The following PHF20 variants were observed in gnomAD, a reference collection of about 807,000 sequenced individuals.
PHF20 encodes PHD finger protein 20.
A neutral mutation model predicts 113.5 loss-of-function variants in PHF20; 23 were observed. That is an observed-to-expected ratio of 0.20 (90% CI 0.15 to 0.29). The LOEUF is 0.29. PHF20 is among the 10% of genes least tolerant of loss of function. PHF20 has a pLI of 1.00. For synonymous variants in PHF20, 434 were observed against 457.3 expected, an observed-to-expected ratio of 0.95 and a Z score of 0.65; for missense variants, 943 against 1,219.6, an observed-to-expected ratio of 0.77 and a Z score of 3.38.
At chr20:35,785,559 A>T (rs1440530051) in intron 1 of PHF20, among the ~76,000 whole-genome samples, 1 of 151,640 alleles carries the variant, frequency 6.6e-6, no homozygotes, top group African/African-American at 2.4e-5. Flanking sequence ...ACCTCAGGTG[A>T]TCCTCCCGCC....
chr20:35,806,393 TCAAG>T (rs1468793682), intron 2 of PHF20, among the ~76,000 whole-genome samples: 2 of 142,084 alleles, frequency 1.4e-5, no homozygotes, highest in East Asian at 2.2e-4. Flanking sequence ...ACTCCTGACC[TCAAG>T]TGTTTCACCT....
At chr20:35,784,178 C>T (rs551492505) in intron 1 of PHF20, among the ~76,000 whole-genome samples, 4 of 151,514 alleles carry the variant, frequency 2.6e-5, no homozygotes, top group South Asian at 2.1e-4. Flanking sequence ...CTTAACCTCC[C>T]GACTAGCTGT....
At position 35,850,797 on chromosome 20, in the gene PHF20, G is replaced by A; in HGVS notation, c.340+3363G>A. The A allele has an allele frequency of 3.7e-6, 3 of 808,532 alleles. No homozygotes were observed. In the South Asian group the frequency reaches 4.1e-5, roughly 11 times the overall value. 50.1% of individuals were successfully genotyped at this position (808,532 alleles called of 1,614,324 possible). A position where few individuals can be genotyped will look rare whatever the true frequency, so the allele number is the denominator to read the frequency against. On this transcript the variant is annotated intron_variant, in intron 4 of 17. Coordinates refer to ENST00000374012, the MANE Select transcript of PHF20 (RefSeq NM_016436.5). ...GAAAGTGGGTCCACTAGCTAATACAGTATTACCATATTTGTTATGAAAATC... is the reference window on the plus strand; with the variant it reads ...GAAAGTGGGTCCACTAGCTAATACAATATTACCATATTTGTTATGAAAATC...
At chr20:35,893,807 G>A (rs1475138628) in intron 9 of PHF20, among the ~76,000 whole-genome samples, 1 of 151,896 alleles carries the variant, frequency 6.6e-6, no homozygotes, top group African/African-American at 2.4e-5. Context: ...GTAGAGATGG[G>A]GTTTCACCAT....
chr20:35,814,872 C>CAAAAAAAAAAAA (rs761940820), intron 2 of PHF20, among the ~76,000 whole-genome samples: 1 of 52,252 alleles, frequency 1.9e-5, no homozygotes, highest in Non-Finnish European at 4.1e-5. Flanking sequence ...GACTCCGTCT[C>CAAAAAAAAAAAA]AAAAAAAAAA....
chr20:35,863,467 CT>C, intron 6 of PHF20, 67 bp downstream of exon 6: 1 of 1,426,068 alleles, frequency 7.0e-7, no homozygotes, highest in South Asian at 1.5e-5. Context: ...CTTTGTGGTT[CT>C]TTGTAACTTG....
At chr20:35,871,868 C>G in intron 9 of PHF20, 39 bp downstream of exon 9, 2 of 1,434,682 alleles carry the variant, frequency 1.4e-6, no homozygotes, top group Non-Finnish European at 1.9e-6. Flanking sequence ...TTTTTATATA[C>G]ACTTTTGCTT....
intron 5 of PHF20, among the ~76,000 whole-genome samples, chr20:35,860,167 T>C (rs2054193616): frequency 6.6e-6 from 1 of 152,016 alleles, no homozygotes; most frequent in African/African-American, 2.4e-5. Flanking sequence ...TCCGCCCACC[T>C]TGGACTCCTA....
At chr20:35,829,067 C>T (rs1431510940) in intron 2 of PHF20, among the ~76,000 whole-genome samples, 1 of 152,092 alleles carries the variant, frequency 6.6e-6, no homozygotes, top group Admixed American at 6.6e-5. Context: ...CAAGTTGGTG[C>T]TGGTTCCTGA....
intron 9 of PHF20, among the ~76,000 whole-genome samples, chr20:35,875,455 G>A (rs1365438539): frequency 1.3e-5 from 2 of 151,828 alleles, no homozygotes; most frequent in Admixed American, 6.6e-5. Flanking sequence ...AGCTCATCTC[G>A]GCGGCTGTTC....
intron 15 of PHF20, among the ~76,000 whole-genome samples, chr20:35,936,300 C>A (rs1035329691): frequency 6.6e-6 from 1 of 152,178 alleles, no homozygotes; most frequent in Admixed American, 6.5e-5. Flanking sequence ...GTATCCCAAA[C>A]AATTGATGCC....
chr20:35,790,062 G>A (rs2041512274), intron 1 of PHF20, among the ~76,000 whole-genome samples: 1 of 151,408 alleles, frequency 6.6e-6, no homozygotes, highest in Non-Finnish European at 1.5e-5. Flanking sequence ...TCACCACATT[G>A]GCCAGGCTGG....
intron 5 of PHF20, among the ~76,000 whole-genome samples, chr20:35,860,487 C>T (rs1032939052): frequency 1.8e-4 from 27 of 152,140 alleles, no homozygotes; most frequent in Non-Finnish European, 1.2e-4. Flanking sequence ...GGTGATCTGC[C>T]TACCTTGGCC....
At chr20:35,796,677 C>T (rs1049090097) in intron 1 of PHF20, among the ~76,000 whole-genome samples, 14 of 152,160 alleles carry the variant, frequency 9.2e-5, no homozygotes, top group African/African-American at 3.4e-4. Context: ...CATCCAGTTG[C>T]TTTATCTTCC....
chr20:35,896,422 C>T (rs912041741), intron 9 of PHF20, among the ~76,000 whole-genome samples: 2 of 151,660 alleles, frequency 1.3e-5, no homozygotes, highest in African/African-American at 4.8e-5. Flanking sequence ...CTTGGGTGAC[C>T]AAATCTGTAG....
intron 9 of PHF20, among the ~76,000 whole-genome samples, chr20:35,891,915 G>A (rs2054872879): frequency 6.6e-6 from 1 of 151,890 alleles, no homozygotes; most frequent in African/African-American, 2.4e-5. Context: ...GTGTTGCCCA[G>A]GCTGGAGTGC....
chr20:35,934,363 T>C (rs1313807606), intron 15 of PHF20, among the ~76,000 whole-genome samples: 1 of 152,190 alleles, frequency 6.6e-6, no homozygotes, highest in East Asian at 1.9e-4. Context: ...AAAACAGAAG[T>C]TTCTTTCTCA....
intron 17 of PHF20, among the ~76,000 whole-genome samples, chr20:35,945,401 CAT>C (rs912865468): frequency 9.2e-5 from 14 of 152,088 alleles, no homozygotes; most frequent in African/African-American, 3.4e-4. Context: ...CATGTGATAT[CAT>C]AGCACCTGTA....
intron 1 of PHF20, among the ~76,000 whole-genome samples, chr20:35,795,592 T>G (rs1443940734): frequency 1.3e-5 from 2 of 152,104 alleles, no homozygotes; most frequent in South Asian, 2.1e-4. Flanking sequence ...CTTTCTCATT[T>G]AATTCTCATA....
Sources: gnomAD v4.1 joint callset for allele counts (sites outside exome capture counted in the v4.1 genomes callset) on GRCh38, gnomAD v4.1.1 for gene constraint, MANE v1.5 for transcripts, NCBI Gene and HGNC (gene_info 2026-07-23, HGNC 2026-07-21) for gene names.